SPICE1: variants seen among roughly 807,000 people sequenced by gnomAD.
SPICE1 encodes spindle and centriole associated protein 1.
Under a neutral mutation model 102.7 loss-of-function variants are expected in SPICE1, and 75 were observed. The observed-to-expected ratio is 0.73, with a 90% CI of 0.61 to 0.88. The LOEUF is 0.88. SPICE1 is among the 40% of genes least tolerant of loss of function. The probability of loss-of-function intolerance (pLI) is 0.00; values close to 1 mark genes in which losing one functional copy is unlikely to be tolerated. For synonymous variants in SPICE1, 308 were observed against 350.3 expected (o/e 0.88, Z 1.35); for missense variants, 979 against 1,020.1 (o/e 0.96, Z 0.55).
At chr3:113,485,063 C>G (rs753806666) in intron 7 of SPICE1, among the ~76,000 whole-genome samples, 24 of 152,160 alleles carry the variant, frequency 1.6e-4, no homozygotes, top group Non-Finnish European at 2.5e-4. Flanking sequence ...GTCTTCGCAA[C>G]CCGCAGGCCA....
At chr3:113,507,304 C>T (rs1249089186) in intron 1 of SPICE1, among the ~76,000 whole-genome samples, 1 of 152,026 alleles carries the variant, frequency 6.6e-6, no homozygotes, top group Non-Finnish European at 1.5e-5. Flanking sequence ...TAGAAAAAGA[C>T]CCATAGTCCC....
At chr3:113,485,680 C>T (rs549874166) in intron 7 of SPICE1, among the ~76,000 whole-genome samples, 44 of 152,276 alleles carry the variant, frequency 2.9e-4, no homozygotes, top group South Asian at 6.2e-4. Context: ...CTATGCCTGA[C>T]GGCTCTGAAG....
At chr3:113,493,569 G>C (rs1293662018) in intron 5 of SPICE1, among the ~76,000 whole-genome samples, 1 of 152,140 alleles carries the variant, frequency 6.6e-6, no homozygotes, top group Non-Finnish European at 1.5e-5. Flanking sequence ...TAAGTAACTA[G>C]CCCAGAGTAA....
In SPICE1 at chr3:113,448,055, G is replaced by A. The variant is rs374165510; in HGVS notation, c.2409C>T (p.Ser803=). ...CAACTTACCTTCTTGTATTTATCCCGCTGACGGGAGAGACAGTACTACATT... is the reference window on the plus strand; with the variant it reads ...CAACTTACCTTCTTGTATTTATCCCACTGACGGGAGAGACAGTACTACATT... ...SSKCSTVSPV[S]GINTRRSSGA... is the part of the protein sequence containing the mutation. Residue 803 remains serine, a synonymous_variant, in exon 16 of 18, where the codon AGC becomes AGT. Transcript: ENST00000295872. 43 of 1,603,682 alleles carry A rather than the reference G, an allele frequency of 2.7e-5. No homozygotes were observed. Among genetic ancestry groups the A allele is most frequent in the East Asian group, 8.9e-5 (4 of 44,728 alleles).
At chr3:113,508,540 A>G (rs558151471) in intron 1 of SPICE1, among the ~76,000 whole-genome samples, 1 of 152,346 alleles carries the variant, frequency 6.6e-6, no homozygotes, top group East Asian at 1.9e-4. Flanking sequence ...ATTAGTCATT[A>G]GGGAAATGCC....
chr3:113,469,047 G>C (rs375085068), intron 8 of SPICE1, 52 bp downstream of exon 8: 1 of 1,590,148 alleles, frequency 6.3e-7, no homozygotes, highest in Non-Finnish European at 8.6e-7. Context: ...CTGCATTCAA[G>C]AATGAACCTA....
At chr3:113,467,512 T>C (rs1466926709) in intron 10 of SPICE1, among the ~76,000 whole-genome samples, 3 of 152,222 alleles carry the variant, frequency 2.0e-5, no homozygotes, top group African/African-American at 7.2e-5. Context: ...CAGGCTGGTC[T>C]TAAACTCCTG....
chr3:113,457,472 A>G lies in SPICE1; in HGVS notation c.1436-115T>C, dbSNP rs923633231. The G allele has an allele frequency of 7.0e-6, 7 of 1,006,742 alleles. No homozygotes were observed. In the African/African-American group the frequency reaches 9.8e-5, roughly 14 times the overall value. The allele number at this position is 1,006,742 out of a possible 1,614,324, so 62.4% of individuals were successfully genotyped here. ...GAGTGCAAAATCCACATGAATCAAC[A>G]TAGCTCCTGGAGCCTTCACTTTCTA... On this transcript the variant is annotated intron_variant, in intron 12 of 17. Coordinates refer to ENST00000295872, the MANE Select transcript of SPICE1 (RefSeq NM_144718.4).
At chr3:113,490,981 C>T (rs35860985) in intron 6 of SPICE1, among the ~76,000 whole-genome samples, 31,688 of 152,108 alleles carry the variant, frequency 0.21, 3,571 homozygotes, top group African/African-American at 0.29. Context: ...GACCCTCTCT[C>T]CAGTCTTGTC....
At chr3:113,471,337 T>C (rs1212594684) in intron 7 of SPICE1, among the ~76,000 whole-genome samples, 1 of 152,160 alleles carries the variant, frequency 6.6e-6, no homozygotes, top group African/African-American at 2.4e-5. Flanking sequence ...TACATTCTTA[T>C]AAGAAACAGA....
chr3:113,503,673 C>G (rs868154919), intron 2 of SPICE1, among the ~76,000 whole-genome samples: 1 of 152,104 alleles, frequency 6.6e-6, no homozygotes, highest in African/African-American at 2.4e-5. Context: ...TGGCTCATGC[C>G]TGTAATCCCA....
intron 3 of SPICE1, among the ~76,000 whole-genome samples, chr3:113,502,700 A>C (rs1370017604): frequency 7.0e-6 from 1 of 141,900 alleles, no homozygotes; most frequent in East Asian, 2.0e-4. Flanking sequence ...GTGGAAACAT[A>C]AAAAAAAAAA....
chr3:113,475,241 T>A (rs968829403), intron 7 of SPICE1, among the ~76,000 whole-genome samples: 2 of 152,102 alleles, frequency 1.3e-5, no homozygotes, highest in African/African-American at 4.8e-5. Flanking sequence ...CAGGAAGAAG[T>A]TGAATCTCTG....
At chr3:113,493,381 G>T in intron 5 of SPICE1, 69 bp from the exon 6 acceptor site, 2 of 1,226,294 alleles carry the variant, frequency 1.6e-6, no homozygotes, top group Non-Finnish European at 2.4e-6. Flanking sequence ...GCTCTATACT[G>T]CCATTGGTTT....
intron 7 of SPICE1, among the ~76,000 whole-genome samples, chr3:113,475,381 C>G (rs942489059): frequency 1.3e-5 from 2 of 152,122 alleles, no homozygotes; most frequent in African/African-American, 4.8e-5. Flanking sequence ...ACCATTCCTT[C>G]TGAAACTATT....
intron 2 of SPICE1, among the ~76,000 whole-genome samples, chr3:113,503,564 A>T (rs947770039): frequency 6.6e-6 from 1 of 152,208 alleles, no homozygotes; most frequent in African/African-American, 2.4e-5. Flanking sequence ...AAGTTTAACT[A>T]AAGTTTTAGT....
intron 1 of SPICE1, among the ~76,000 whole-genome samples, chr3:113,513,811 ATTAATGTAACTAATAT>A (rs1559980534): frequency 1.3e-5 from 2 of 152,174 alleles, no homozygotes; most frequent in African/African-American, 4.8e-5. Flanking sequence ...TCATCCATCT[ATTAATGTAACTAATAT>A]TTTGAAGCAC....
chr3:113,468,979 T>C, intron 8 of SPICE1, 80 bp from the exon 9 acceptor site: 5 of 1,566,176 alleles, frequency 3.2e-6, no homozygotes, highest in Non-Finnish European at 4.3e-6. Flanking sequence ...GATCCATCAG[T>C]ATTTTAGTCA....
At chr3:113,456,539 G>T (rs572609705) in intron 13 of SPICE1, among the ~76,000 whole-genome samples, 2 of 152,264 alleles carry the variant, frequency 1.3e-5, no homozygotes, top group African/African-American at 4.8e-5. Context: ...GACCATTCAT[G>T]AACCCTAAGT....
Sources: gnomAD v4.1 joint callset for allele counts (sites outside exome capture counted in the v4.1 genomes callset) on GRCh38, gnomAD v4.1.1 for gene constraint, MANE v1.5 for transcripts, NCBI Gene and HGNC (gene_info 2026-07-23, HGNC 2026-07-21) for gene names.